Variants in LHFPL4 observed in about 807,000 individuals in gnomAD.
The protein encoded by LHFPL4 is LHFPL tetraspan subfamily member 4, also known as LHFPL tetraspan subfamily member 4 protein.
Under a neutral mutation model 20.0 loss-of-function variants are expected in LHFPL4, and 6 were observed. The ratio of observed to expected loss-of-function variants is 0.30; its 90% CI spans 0.16 to 0.59. The LOEUF is 0.59. LHFPL4 is among the 20% of genes least tolerant of loss of function. The probability of loss-of-function intolerance (pLI) is 0.88; values close to 1 mark genes in which losing one functional copy is unlikely to be tolerated. For missense variants in LHFPL4, 215 were observed against 331.2 expected (o/e 0.65, Z 2.72); for synonymous variants, 129 against 143.8 (o/e 0.90, Z 0.74).
chr3:9,505,922 CAGG>C (rs2046214891), intron 3 of LHFPL4, 42 bp downstream of exon 3: 2 of 1,543,010 alleles, frequency 1.3e-6, no homozygotes, highest in Non-Finnish European at 1.8e-6. Context: ...CTCCCAGGAC[CAGG>C]CCTGGCTCCC....
chr3:9,533,792 A>G (rs973220296), intron 2 of LHFPL4, among the ~76,000 whole-genome samples: 2 of 151,844 alleles, frequency 1.3e-5, no homozygotes, highest in Non-Finnish European at 2.9e-5. Flanking sequence ...AAAAAAAAAT[A>G]AAGTCAGGAT....
At chr3:9,552,212 T>C in intron 2 of LHFPL4, 62 bp downstream of exon 2, 1 of 1,530,096 alleles carries the variant, frequency 6.5e-7, no homozygotes. Context: ...GAAGGGGACC[T>C]GGCAGGAAGG....
chr3:9,522,150 C>A (rs188438317), intron 2 of LHFPL4, among the ~76,000 whole-genome samples: 1 of 150,910 alleles, frequency 6.6e-6, no homozygotes, highest in African/African-American at 2.5e-5. Context: ...AGTACAAGTA[C>A]CTTATTATTA....
At chr3:9,511,312 C>T (rs941028573) in intron 2 of LHFPL4, among the ~76,000 whole-genome samples, 3 of 151,232 alleles carry the variant, frequency 2.0e-5, no homozygotes, top group Non-Finnish European at 4.4e-5. Flanking sequence ...GATCATGCCA[C>T]TGCACTCCAG....
chr3:9,538,290 G>A (rs2046455481), intron 2 of LHFPL4, among the ~76,000 whole-genome samples: 1 of 152,122 alleles, frequency 6.6e-6, no homozygotes, highest in Admixed American at 6.6e-5. Context: ...TCCCATGCCT[G>A]AAAGTGATTG....
chr3:9,506,801 G>A lies in LHFPL4; in HGVS notation c.407-598C>T, dbSNP rs996549548. Among the ~76,000 whole-genome samples the A allele has an allele frequency of 2.0e-5, 3 of 152,056 alleles. No homozygotes were observed. Among genetic ancestry groups the A allele is most frequent in the Non-Finnish European group, 4.4e-5 (3 of 67,994 alleles). ...TCACCATGTTGGCCAGGCTGGTCTC[G>A]AACTCCTAACCTCAAGTGATCTGCC... is the stretch of plus-strand genomic sequence containing the variant. On this transcript the variant is annotated intron_variant, in intron 2 of 3. Coordinates refer to ENST00000287585, the MANE Select transcript of LHFPL4 (RefSeq NM_198560.3). This position sits in a 1 kb window ranked among gnomAD's most constrained non-coding sequence, Gnocchi z 4.5.
At chr3:9,523,853 T>C (rs980598157) in intron 2 of LHFPL4, among the ~76,000 whole-genome samples, 9 of 152,314 alleles carry the variant, frequency 5.9e-5, no homozygotes, top group African/African-American at 1.9e-4. Context: ...AAGAACTTCT[T>C]TGAACACTTC....
At chr3:9,552,148 C>A in intron 2 of LHFPL4, 126 bp downstream of exon 2, 2 of 1,292,388 alleles carry the variant, frequency 1.5e-6, no homozygotes, top group Admixed American at 2.6e-5. Flanking sequence ...GGTCCGTCAG[C>A]CAAAGAGGTG....
chr3:9,539,143 G>A (rs1574852782), intron 2 of LHFPL4, among the ~76,000 whole-genome samples: 1 of 152,068 alleles, frequency 6.6e-6, no homozygotes, highest in African/African-American at 2.4e-5. Flanking sequence ...TCCTGATCCA[G>A]GGCACTCATA....
intron 2 of LHFPL4, among the ~76,000 whole-genome samples, chr3:9,548,308 GTAA>G (rs1369915018): frequency 6.6e-6 from 1 of 152,116 alleles, no homozygotes; most frequent in Non-Finnish European, 1.5e-5. Context: ...CTATTTTTCT[GTAA>G]TAATGATAAC....
intron 2 of LHFPL4, among the ~76,000 whole-genome samples, chr3:9,521,470 C>G (rs1375887070): frequency 2.6e-5 from 4 of 151,632 alleles, no homozygotes; most frequent in African/African-American, 9.7e-5. Context: ...GGCACGATCT[C>G]AGCTCACTGC....
At chr3:9,553,612 G>T (rs1196093838) in intron 1 of LHFPL4, 73 bp downstream of exon 1, 2 of 151,356 alleles carry the variant, frequency 1.3e-5, no homozygotes, top group African/African-American at 4.8e-5. Flanking sequence ...GGGGTTGGGG[G>T]GGCGGCTGCC....
Position 9,499,611 on chromosome 3 carries a change from G to C in LHFPL4, c.*2600C>G, listed in dbSNP as rs140742306. On this transcript the variant is annotated 3_prime_UTR_variant, in exon 4 of 4. Coordinates refer to ENST00000287585, the MANE Select transcript of LHFPL4 (RefSeq NM_198560.3). ...CTCCTAAGTCAGCTGGACCCACTAC[G>C]TCCTCTGAAGTGGCTTCCTTCACTC... 6.6e-6 allele frequency: 1 copy of C among 152,376 alleles called. No homozygotes were observed. Among genetic ancestry groups the C allele is most frequent in the African/African-American group, 2.4e-5 (1 of 41,422 alleles). The allele number at this position is 152,376 out of a possible 1,614,324, so 9.4% of individuals were successfully genotyped here.
intron 3 of LHFPL4, among the ~76,000 whole-genome samples, chr3:9,504,650 C>A (rs2046203560): frequency 6.6e-6 from 1 of 151,974 alleles, no homozygotes; most frequent in Admixed American, 6.6e-5. Context: ...ACGGTGAAAC[C>A]CCATCTCCAC....
chr3:9,513,932 C>A (rs2046280062), intron 2 of LHFPL4, among the ~76,000 whole-genome samples: 1 of 152,120 alleles, frequency 6.6e-6, no homozygotes, highest in Admixed American at 6.5e-5. Context: ...CTTGACTCAA[C>A]TTTATCCTAT....
At chr3:9,505,887 C>T (rs1196625716) in intron 3 of LHFPL4, 80 bp downstream of exon 3, 10 of 1,331,084 alleles carry the variant, frequency 7.5e-6, no homozygotes, top group African/African-American at 1.4e-5. Context: ...AACCCTCTTA[C>T]TCCTTTTATT....
Position 9,498,513 on chromosome 3 carries a change from G to A in LHFPL4, c.*3698C>T, listed in dbSNP as rs1463047814. The A allele has an allele frequency of 1.3e-5, 2 of 152,704 alleles. No individual in the cohort carries two copies. The highest frequency in any genetic ancestry group is 1.9e-4 in the East Asian group (1 of 5,192). 9.5% of individuals were successfully genotyped at this position (152,704 alleles called of 1,614,324 possible). ...CACTCAGACAAAACTTACTAATGGG[G>A]TATAGACAACACCAAGCTATCCTAA... On this transcript the variant is annotated 3_prime_UTR_variant, in exon 4 of 4. Transcript: ENST00000287585.
At chr3:9,513,005 C>T (rs541344619) in intron 2 of LHFPL4, among the ~76,000 whole-genome samples, 7 of 152,322 alleles carry the variant, frequency 4.6e-5, no homozygotes, top group African/African-American at 1.7e-4. Flanking sequence ...GTCGCCCAGG[C>T]TGGAGTGCAG....
At chr3:9,529,187 C>T (rs1160070456) in intron 2 of LHFPL4, among the ~76,000 whole-genome samples, 1 of 151,922 alleles carries the variant, frequency 6.6e-6, no homozygotes, top group Non-Finnish European at 1.5e-5. Flanking sequence ...TGCCACCACA[C>T]CCAGCTAATT....
Sources: gnomAD v4.1 joint callset for allele counts (sites outside exome capture counted in the v4.1 genomes callset) on GRCh38, gnomAD v4.1.1 for gene constraint, Gnocchi (gnomAD v3.1) non-coding constraint, MANE v1.5 for transcripts, NCBI Gene and HGNC (gene_info 2026-07-23, HGNC 2026-07-21) for gene names.